Variants in OPHN1 observed in about 807,000 individuals in gnomAD.
OPHN1 encodes oligophrenin-1.
In OPHN1, 11 loss-of-function variants were observed where a neutral mutation model predicts 60.7. That is an observed-to-expected ratio of 0.18 (90% CI 0.11 to 0.30). The LOEUF is 0.30. Ranked by LOEUF, OPHN1 falls within the 10% of genes least tolerant of loss-of-function variation. The pLI is 1.00. For missense variants in OPHN1, 449 were observed against 611.0 expected, an observed-to-expected ratio of 0.73 and a Z score of 2.80; for synonymous variants, 226 against 222.6, an observed-to-expected ratio of 1.02 and a Z score of -0.14.
At chrX:68,167,712 T>C (rs1361514738) in intron 15 of OPHN1, among the ~76,000 whole-genome samples, 1 of 71,169 alleles carries the variant, frequency 1.4e-5, no homozygotes, top group African/African-American at 1.2e-4. Context: ...TATGTGTATA[T>C]GTGTGTGTGT....
At chrX:68,208,525 C>A (rs150874308) in intron 9 of OPHN1, among the ~76,000 whole-genome samples, 155 of 112,137 alleles carry the variant, frequency 1.4e-3, no homozygotes, top group African/African-American at 4.5e-3. Context: ...TATTGATATA[C>A]TTGTCTATCT....
intron 2 of OPHN1, among the ~76,000 whole-genome samples, chrX:68,405,380 G>C (rs775827624): frequency 9.0e-6 from 1 of 111,440 alleles, no homozygotes; most frequent in Non-Finnish European, 1.9e-5. Context: ...TTTTAGAGCG[G>C]AGGTCTCACT....
chrX:68,053,572 A>G, intron 22 of OPHN1, 73 bp downstream of exon 22: 1 of 1,066,888 alleles, frequency 9.4e-7, no homozygotes, highest in Non-Finnish European at 1.3e-6. Context: ...TACCCTTAAT[A>G]TGGTGATCCT....
intron 8 of OPHN1, 140 bp from the exon 9 acceptor site, chrX:68,210,422 C>T: frequency 1.7e-6 from 1 of 597,752 alleles, no homozygotes; most frequent in Non-Finnish European, 2.6e-6. Context: ...TGGTGAATGG[C>T]ATAGTGAATG....
At chrX:68,063,210 A>G (rs2076899526) in intron 21 of OPHN1, among the ~76,000 whole-genome samples, 1 of 103,086 alleles carries the variant, frequency 9.7e-6, no homozygotes, top group Non-Finnish European at 2.0e-5. Context: ...ACAAACAAAC[A>G]AAAAAAAAAA....
chrX:68,216,038 C>T (rs2077606859), intron 6 of OPHN1, among the ~76,000 whole-genome samples: 2 of 111,574 alleles, frequency 1.8e-5, no homozygotes, highest in Non-Finnish European at 3.8e-5. Context: ...TGTAATGATA[C>T]ATTTGGTGAT....
intron 5 of OPHN1, among the ~76,000 whole-genome samples, chrX:68,241,571 G>T (rs1267357173): frequency 9.0e-6 from 1 of 111,389 alleles, no homozygotes; most frequent in Non-Finnish European, 1.9e-5. Context: ...ACACAATTAT[G>T]CATATATATT....
chrX:68,277,491 T>TA (rs897890915), intron 4 of OPHN1, among the ~76,000 whole-genome samples: 2 of 111,875 alleles, frequency 1.8e-5, no homozygotes, highest in African/African-American at 6.5e-5. Flanking sequence ...ATTTGCAGTT[T>TA]AAAAAAATGT....
chrX:68,139,752 C>T (rs765146414), intron 15 of OPHN1, among the ~76,000 whole-genome samples: 2 of 112,211 alleles, frequency 1.8e-5, no homozygotes, highest in African/African-American at 3.2e-5. Context: ...AAGTTCAATG[C>T]GGGCAAGGCC....
At chrX:68,306,211 C>T (rs751052481) in intron 2 of OPHN1, among the ~76,000 whole-genome samples, 18 of 111,632 alleles carry the variant, frequency 1.6e-4, no homozygotes, top group Non-Finnish European at 2.8e-4. Flanking sequence ...TCCTCCTTTC[C>T]CATTTCACTT....
At chrX:68,140,692 A>AC (rs2077238806) in intron 15 of OPHN1, among the ~76,000 whole-genome samples, 2 of 109,153 alleles carry the variant, frequency 1.8e-5, no homozygotes, top group East Asian at 2.9e-4. Flanking sequence ...CCATTTTTCC[A>AC]CCCAAATAAT....
intron 21 of OPHN1, among the ~76,000 whole-genome samples, chrX:68,059,792 T>G (rs895262230): frequency 6.3e-5 from 7 of 111,154 alleles, no homozygotes; most frequent in Non-Finnish European, 1.1e-4. Context: ...GAAGGGCCCC[T>G]CAACCCATAT....
At position 68,274,729 on chromosome X, in the gene OPHN1, A is replaced by C. The variant is rs1375737359; in HGVS notation, c.384+9T>G. The C allele has an allele frequency of 1.7e-6, 2 of 1,173,263 alleles. No individual in the cohort carries two copies. The highest frequency in any genetic ancestry group is 1.8e-5 in the African/African-American group (1 of 56,600). ...TTTAAAAAATCTTATGCATATACAGAAAATGTACCTTGGTGAAGCCTATTT... is the reference window on the plus strand; with the variant it reads ...TTTAAAAAATCTTATGCATATACAGCAAATGTACCTTGGTGAAGCCTATTT... On this transcript the variant is annotated intron_variant, in intron 5 of 24. Coordinates refer to ENST00000355520, the MANE Select transcript of OPHN1 (RefSeq NM_002547.3).
chrX:68,431,330 T>C (rs2078884633), intron 2 of OPHN1, among the ~76,000 whole-genome samples: 1 of 112,219 alleles, frequency 8.9e-6, no homozygotes, highest in Non-Finnish European at 1.9e-5. Context: ...GCAGAGAGCA[T>C]GTGAAGGAAA....
chrX:68,351,022 A>G (rs1370577949), intron 2 of OPHN1, among the ~76,000 whole-genome samples: 1 of 111,346 alleles, frequency 9.0e-6, no homozygotes, highest in Non-Finnish European at 1.9e-5. Context: ...TCCGCCTCCC[A>G]GGTTCAAGCG....
chrX:68,428,212 C>T (rs1485878163), intron 2 of OPHN1, among the ~76,000 whole-genome samples: 1 of 111,933 alleles, frequency 8.9e-6, no homozygotes, highest in Non-Finnish European at 1.9e-5. Context: ...GAGAAAGTTA[C>T]TTAACTCATC....
intron 19 of OPHN1, among the ~76,000 whole-genome samples, chrX:68,077,600 G>T (rs528771461): frequency 2.7e-5 from 3 of 111,577 alleles, no homozygotes; most frequent in East Asian, 5.6e-4. Context: ...AAATAGTTTT[G>T]TGTGTGTATG....
At chrX:68,124,006 T>C (rs2077159971) in intron 15 of OPHN1, among the ~76,000 whole-genome samples, 1 of 110,736 alleles carries the variant, frequency 9.0e-6, no homozygotes, top group Non-Finnish European at 1.9e-5. Context: ...ATTTATCCTG[T>C]AAAGACACAC....
At chrX:68,100,266 C>T (rs1232838066) in intron 18 of OPHN1, among the ~76,000 whole-genome samples, 4 of 110,268 alleles carry the variant, frequency 3.6e-5, no homozygotes, top group Non-Finnish European at 5.7e-5. Context: ...CATACATACA[C>T]GCACACACAC....
Sources: allele counts gnomAD v4.1 joint callset (sites outside exome capture counted in the v4.1 genomes callset), GRCh38; gene constraint gnomAD v4.1.1; transcripts MANE v1.5; gene names NCBI Gene and HGNC (gene_info 2026-07-23, HGNC 2026-07-21).